SCFD2: variants seen among roughly 807,000 people sequenced by gnomAD.
SCFD2 encodes sec1 family domain containing 2, also known as sec1 family domain-containing protein 2.
In SCFD2, 54 loss-of-function variants were observed where a neutral mutation model predicts 58.9. The observed-to-expected ratio is 0.92, with a 90% CI of 0.74 to 1.15. The LOEUF (loss-of-function observed/expected upper bound fraction) is 1.15, where lower values mean the gene tolerates loss of function less well. Ranked by LOEUF, SCFD2 falls within the 50% of genes most tolerant of loss-of-function variation. SCFD2 has a pLI of 0.00. For missense variants in SCFD2, 805 were observed against 836.6 expected, an observed-to-expected ratio of 0.96 and a Z score of 0.47; for synonymous variants, 321 against 335.9, an observed-to-expected ratio of 0.96 and a Z score of 0.49.
intron 5 of SCFD2, among the ~76,000 whole-genome samples, chr4:52,994,558 A>C (rs1466927687): frequency 6.6e-6 from 1 of 152,122 alleles, no homozygotes; most frequent in Non-Finnish European, 1.5e-5. Flanking sequence ...AGATGAGTAA[A>C]CCAAGGTATC....
rs962370260 is a variant in SCFD2, at chr4:53,047,938, T to C, written c.1561+97395A>G. Among the ~76,000 whole-genome samples, 5 of 152,266 alleles carry C rather than the reference T, an allele frequency of 3.3e-5. 1 individual carries two copies. The highest frequency in any genetic ancestry group is 3.9e-4 in the East Asian group (2 of 5,182). On this transcript the variant is annotated intron_variant, in intron 5 of 8. Coordinates refer to ENST00000401642, the MANE Select transcript of SCFD2 (RefSeq NM_152540.4). ...CTGACAGCCCTTCTGCCCTGACTGG[T>C]CACATGTGAGGGAATGTGTGTACTG...
At chr4:53,198,140 T>A (rs1728116682) in intron 4 of SCFD2, among the ~76,000 whole-genome samples, 1 of 152,106 alleles carries the variant, frequency 6.6e-6, no homozygotes, top group Non-Finnish European at 1.5e-5. Flanking sequence ...CATATGGATT[T>A]CTCTTAATTC....
chr4:53,273,738 T>A, intron 4 of SCFD2, 88 bp downstream of exon 4: 1 of 1,137,764 alleles, frequency 8.8e-7, no homozygotes, highest in Non-Finnish European at 1.2e-6. Flanking sequence ...TATGATTTAT[T>A]ACTAAGGCTA....
At chr4:53,153,910 T>C (rs1207672233) in intron 4 of SCFD2, among the ~76,000 whole-genome samples, 1 of 152,214 alleles carries the variant, frequency 6.6e-6, no homozygotes, top group Non-Finnish European at 1.5e-5. Context: ...TGAGTGACCA[T>C]CATTCCAATT....
chr4:52,978,424 A>G (rs557947212), intron 5 of SCFD2, among the ~76,000 whole-genome samples: 2 of 152,122 alleles, frequency 1.3e-5, no homozygotes, highest in African/African-American at 4.8e-5. Context: ...TCTTAGCCCA[A>G]CCTCCTCATC....
intron 5 of SCFD2, among the ~76,000 whole-genome samples, chr4:53,077,855 G>A (rs1724027801): frequency 1.3e-5 from 2 of 152,142 alleles, no homozygotes; most frequent in Admixed American, 1.3e-4. Context: ...GATCACATAA[G>A]CTGTTGCTAT....
At chr4:52,913,651 C>T (rs1368378525) in intron 6 of SCFD2, among the ~76,000 whole-genome samples, 2 of 152,098 alleles carry the variant, frequency 1.3e-5, no homozygotes, top group Admixed American at 6.5e-5. Flanking sequence ...GAAACCACAC[C>T]GCCCCACCCT....
At chr4:53,053,007 C>T (rs569083647) in intron 5 of SCFD2, among the ~76,000 whole-genome samples, 6 of 151,910 alleles carry the variant, frequency 3.9e-5, no homozygotes, top group African/African-American at 7.3e-5. Context: ...GGATCACTTG[C>T]GGTCAGGAGT....
chr4:53,099,997 T>C (rs1324709044), intron 5 of SCFD2, among the ~76,000 whole-genome samples: 1 of 152,074 alleles, frequency 6.6e-6, no homozygotes, highest in Admixed American at 6.6e-5. Context: ...AAAAAACTAA[T>C]TTGGAAGTCT....
chr4:53,324,707 T>C (rs1733130883), intron 2 of SCFD2, among the ~76,000 whole-genome samples: 1 of 151,978 alleles, frequency 6.6e-6, no homozygotes, highest in African/African-American at 2.4e-5. Flanking sequence ...GCTCTGGTTG[T>C]CCGGTACATG....
chr4:53,106,596 CA>C (rs1387772184), intron 5 of SCFD2, among the ~76,000 whole-genome samples: 1 of 151,932 alleles, frequency 6.6e-6, no homozygotes, highest in African/African-American at 2.4e-5. Flanking sequence ...GCCGAATGAT[CA>C]AGAGGAAGAA....
intron 5 of SCFD2, among the ~76,000 whole-genome samples, chr4:52,982,252 C>T (rs75524802): frequency 6.6e-6 from 1 of 152,302 alleles, no homozygotes; most frequent in East Asian, 1.9e-4. Context: ...CTCTCTCCAT[C>T]ACCCGAGTAG....
intron 4 of SCFD2, among the ~76,000 whole-genome samples, chr4:53,254,825 ATTTTAT>A (rs1486853004): frequency 7.5e-6 from 1 of 132,666 alleles, no homozygotes. Flanking sequence ...ATTTTATTTT[ATTTTAT>A]TTTATTTTAT....
intron 1 of SCFD2, among the ~76,000 whole-genome samples, chr4:53,363,908 T>C (rs1734624837): frequency 6.6e-6 from 1 of 152,124 alleles, no homozygotes; most frequent in Non-Finnish European, 1.5e-5. Flanking sequence ...TATTAAGTTT[T>C]GCCTAACAGA....
Position 53,256,504 on chromosome 4 carries a change from G to A in SCFD2, c.1311+17322C>T, listed in dbSNP as rs368630650. ...GCGGCCGGGCAGAGGCTGCAATCTC[G>A]GCACTTTGGGAGGCCAAGGCAGGCG... On this transcript the variant is annotated intron_variant, in intron 4 of 8. Transcript: ENST00000401642. 5.3e-5 allele frequency among the ~76,000 whole-genome samples: 8 copies of A among 152,216 alleles called. No individual in the cohort carries two copies. The South Asian group carries it at 1.5e-3, about 28-fold the overall frequency.
chr4:53,012,717 T>C (rs1162630595), intron 5 of SCFD2, among the ~76,000 whole-genome samples: 1 of 151,918 alleles, frequency 6.6e-6, no homozygotes, highest in Non-Finnish European at 1.5e-5. Flanking sequence ...TTCTAGCCAG[T>C]CGGCAAAAAA....
intron 2 of SCFD2, among the ~76,000 whole-genome samples, chr4:53,344,956 G>T (rs1290417640): frequency 6.6e-6 from 1 of 152,102 alleles, no homozygotes; most frequent in African/African-American, 2.4e-5. Context: ...ATTCAAGATG[G>T]ATTAAAGACT....
At chr4:53,207,381 C>T (rs1215780069) in intron 4 of SCFD2, among the ~76,000 whole-genome samples, 1 of 144,224 alleles carries the variant, frequency 6.9e-6, no homozygotes, top group Non-Finnish European at 1.5e-5. Context: ...ATTTTTCAAA[C>T]TGCTATACTG....
intron 5 of SCFD2, among the ~76,000 whole-genome samples, chr4:53,104,499 G>A (rs1724928432): frequency 1.3e-5 from 2 of 152,154 alleles, no homozygotes; most frequent in African/African-American, 2.4e-5. Flanking sequence ...ACCCTGGATG[G>A]AATCCTAGAA....
Sources: gnomAD v4.1 joint callset for allele counts (sites outside exome capture counted in the v4.1 genomes callset) on GRCh38, gnomAD v4.1.1 for gene constraint, MANE v1.5 for transcripts, NCBI Gene and HGNC (gene_info 2026-07-23, HGNC 2026-07-21) for gene names.